Variants in CHRNB3 observed in about 807,000 individuals in gnomAD.
CHRNB3 encodes the protein neuronal acetylcholine receptor subunit beta-3.
A neutral mutation model predicts 40.6 loss-of-function variants in CHRNB3; 37 were observed. The ratio of observed to expected loss-of-function variants is 0.91; its 90% confidence interval spans 0.70 to 1.20. CHRNB3 has a LOEUF of 1.20. CHRNB3 is among the 50% of genes most tolerant of loss of function. The pLI is 0.00. For missense variants in CHRNB3, 505 were observed against 551.2 expected, an observed-to-expected ratio of 0.92 and a Z score of 0.84; for synonymous variants, 207 against 207.1, an observed-to-expected ratio of 1.00 and a Z score of 0.00.
intron 3 of CHRNB3, among the ~76,000 whole-genome samples, chr8:42,718,618 A>G (rs1290339793): frequency 7.3e-6 from 1 of 137,240 alleles, no homozygotes; most frequent in Non-Finnish European, 1.5e-5. Context: ...GCTTGCAGTG[A>G]GCCGAGATGG....
chr8:42,723,910 AC>A (rs1398489015), intron 3 of CHRNB3, among the ~76,000 whole-genome samples: 1 of 151,998 alleles, frequency 6.6e-6, no homozygotes, highest in Non-Finnish European at 1.5e-5. Flanking sequence ...AAACGGTGAA[AC>A]CCCGTCTCTA....
intron 5 of CHRNB3, among the ~76,000 whole-genome samples, chr8:42,734,518 C>T (rs1447777455): frequency 1.3e-5 from 2 of 150,280 alleles, no homozygotes; most frequent in African/African-American, 4.9e-5. Context: ...CTTCCGGGTT[C>T]GTGCCATTCT....
chr8:42,736,388 T>TATA, intron 5 of CHRNB3, 96 bp from the exon 6 acceptor site: 4 of 1,439,830 alleles, frequency 2.8e-6, no homozygotes, highest in Non-Finnish European at 3.8e-6. Flanking sequence ...AAGTAAATGC[T>TATA]ATAAATCTGA....
At chr8:42,709,718 G>T (rs959051164) in intron 2 of CHRNB3, among the ~76,000 whole-genome samples, 1 of 152,178 alleles carries the variant, frequency 6.6e-6, no homozygotes, top group Non-Finnish European at 1.5e-5. Context: ...TGCAACCTCC[G>T]TTTCCCAGGT....
rs757689595 is a variant in CHRNB3, at chr8:42,708,869, G to A, written c.204+1G>A. ...GAAAATATCCCAGCTTGTAGATGTG[G>A]TGAGTAATCCTTGGCACTTGGCTAA... is the stretch of plus-strand genomic sequence containing the variant. On this transcript the variant is annotated splice_donor_variant, in intron 2 of 5. Transcript: ENST00000289957. LOFTEE classifies it high-confidence loss of function. The A allele has an allele frequency of 1.2e-6, 2 of 1,611,716 alleles. No individual in the cohort carries two copies. Among genetic ancestry groups the A allele is most frequent in the East Asian group, 4.5e-5 (2 of 44,852 alleles).
chr8:42,731,562 A>T, intron 4 of CHRNB3, 105 bp from the exon 5 acceptor site: 1 of 1,276,020 alleles, frequency 7.8e-7, no homozygotes, highest in South Asian at 1.6e-5. Flanking sequence ...CTCAAAAAAG[A>T]AAAGAAAAGA....
At chr8:42,727,039 A>T (rs1463717823) in intron 3 of CHRNB3, among the ~76,000 whole-genome samples, 1 of 152,156 alleles carries the variant, frequency 6.6e-6, no homozygotes, top group African/African-American at 2.4e-5. Flanking sequence ...AAATTTGCCT[A>T]AAGCTATAAT....
chr8:42,725,079 T>C (rs1033990814), intron 3 of CHRNB3, among the ~76,000 whole-genome samples: 2 of 151,042 alleles, frequency 1.3e-5, no homozygotes, highest in African/African-American at 4.9e-5. Flanking sequence ...CTTTTCTTTT[T>C]TCTTTCTTTC....
chr8:42,700,304 T>C (rs1203098012), intron 1 of CHRNB3, among the ~76,000 whole-genome samples: 1 of 145,484 alleles, frequency 6.9e-6, no homozygotes, highest in Non-Finnish European at 1.5e-5. Context: ...TGTGAGCCAC[T>C]GCGCCCGGCC....
At chr8:42,706,950 G>C (rs765280024) in intron 1 of CHRNB3, among the ~76,000 whole-genome samples, 3 of 151,870 alleles carry the variant, frequency 2.0e-5, no homozygotes, top group Non-Finnish European at 4.4e-5. Context: ...TGTAATACAG[G>C]GTCTTCCTAT....
At chr8:42,729,396 C>T (rs1480207157) in intron 3 of CHRNB3, among the ~76,000 whole-genome samples, 3 of 151,988 alleles carry the variant, frequency 2.0e-5, no homozygotes, top group South Asian at 2.1e-4. Context: ...GGCAACAGAG[C>T]GAGACTCTGT....
chr8:42,709,674 AG>A (rs1815979549), intron 2 of CHRNB3, among the ~76,000 whole-genome samples: 1 of 152,204 alleles, frequency 6.6e-6, no homozygotes, highest in Non-Finnish European at 1.5e-5. Flanking sequence ...TGTTTCACAC[AG>A]GCTGGAATGC....
At chr8:42,704,698 G>GTGTGTGTGTA (rs1375456627) in intron 1 of CHRNB3, among the ~76,000 whole-genome samples, 37 of 152,302 alleles carry the variant, frequency 2.4e-4, no homozygotes, top group African/African-American at 8.7e-4. Context: ...GTGTGTGTGT[G>GTGTGTGTGTA]TGCTTGCATG....
chr8:42,724,244 G>A (rs781691223), intron 3 of CHRNB3, among the ~76,000 whole-genome samples: 16 of 152,136 alleles, frequency 1.1e-4, no homozygotes, highest in Non-Finnish European at 1.9e-4. Context: ...CAGGAAACTA[G>A]TAATAGAAGG....
chr8:42,724,426 G>T (rs1220141220), intron 3 of CHRNB3, among the ~76,000 whole-genome samples: 1 of 152,038 alleles, frequency 6.6e-6, no homozygotes, highest in Non-Finnish European at 1.5e-5. Context: ...ACTCACAGCA[G>T]AGACAAGTGA....
At chr8:42,720,210 G>A (rs1468662388) in intron 3 of CHRNB3, among the ~76,000 whole-genome samples, 3 of 132,382 alleles carry the variant, frequency 2.3e-5, no homozygotes, top group Non-Finnish European at 4.6e-5. Context: ...CCGCCTCCCA[G>A]GTTCAAGAGA....
chr8:42,728,439 G>A (rs1816346054), intron 3 of CHRNB3, among the ~76,000 whole-genome samples: 1 of 151,970 alleles, frequency 6.6e-6, no homozygotes, highest in Non-Finnish European at 1.5e-5. Flanking sequence ...AGGAGCAGAA[G>A]GATCACTTGA....
chr8:42,716,700 G>A (rs62516756), intron 3 of CHRNB3, among the ~76,000 whole-genome samples: 4 of 151,980 alleles, frequency 2.6e-5, no homozygotes, highest in Non-Finnish European at 4.4e-5. Context: ...ACATGGTGCC[G>A]TGGTGGCCCT....
In CHRNB3 at chr8:42,700,175, A is replaced by G. The variant is rs146739322; in HGVS notation, c.52+2577A>G. Among the ~76,000 whole-genome samples the G allele has an allele frequency of 5.8e-4, 88 of 151,904 alleles. 1 individual carries two copies. Among genetic ancestry groups the G allele is most frequent in the African/African-American group, 2.0e-3 (82 of 41,436 alleles). ...ACTACAGGTGCCCACCACCACGCCCAGCTAATATTTTTTGTATTTTTAGTA... is the reference window on the plus strand; with the variant it reads ...ACTACAGGTGCCCACCACCACGCCCGGCTAATATTTTTTGTATTTTTAGTA... On this transcript the variant is annotated intron_variant, in intron 1 of 5. Transcript: ENST00000289957.
Sources: gnomAD v4.1 joint callset for allele counts (sites outside exome capture counted in the v4.1 genomes callset) on GRCh38, gnomAD v4.1.1 for gene constraint, MANE v1.5 for transcripts, NCBI Gene and HGNC (gene_info 2026-07-23, HGNC 2026-07-21) for gene names.